The following TUSC3 variants were observed in gnomAD, a reference collection of about 807,000 sequenced individuals.
TUSC3 encodes tumor suppressor candidate 3.
In TUSC3, 45 loss-of-function variants were observed where a neutral mutation model predicts 44.8. The ratio of observed to expected loss-of-function variants is 1.00; its 90% CI spans 0.79 to 1.29. The LOEUF is 1.29. Ranked by LOEUF, TUSC3 falls within the 50% of genes most tolerant of loss-of-function variation. The probability of loss-of-function intolerance (pLI) is 0.00; values close to 1 mark genes in which losing one functional copy is unlikely to be tolerated. For missense variants in TUSC3, 519 were observed against 437.9 expected, an observed-to-expected ratio of 1.19 and a Z score of -1.65; for synonymous variants, 212 against 152.9, an observed-to-expected ratio of 1.39 and a Z score of -2.85.
At chr8:15,553,326 C>A (rs962816562) in intron 1 of TUSC3, among the ~76,000 whole-genome samples, 1 of 151,610 alleles carries the variant, frequency 6.6e-6, no homozygotes, top group African/African-American at 2.4e-5. Context: ...TGTTGCAAAC[C>A]CCTCAAAGAT....
At position 15,682,527 on chromosome 8, in the gene TUSC3, A is replaced by G. The variant is rs1291687291; in HGVS notation, c.798+8691A>G. ...TCATTTGAGTGTTAGATCGTTTTCC[A>G]TTACTTTGAGCCTGTGAGTATTGTT... On this transcript the variant is annotated intron_variant, in intron 6 of 10. Coordinates refer to ENST00000503731, the MANE Select transcript of TUSC3 (RefSeq NM_006765.4). Among the ~76,000 whole-genome samples the G allele has an allele frequency of 2.0e-5, 3 of 152,034 alleles. 1 individual carries two copies. The highest frequency in any genetic ancestry group is 7.2e-5 in the African/African-American group (3 of 41,386).
At chr8:15,791,466 T>C in the TUSC3 span, among the ~76,000 whole-genome samples, 12 of 152,156 alleles carry the variant, frequency 7.9e-5, no homozygotes, top group South Asian at 2.1e-4. Flanking sequence ...GTGGTTTACA[T>C]TGCATTGTAA....
At chr8:15,756,539 T>TTTCTAGATTATAAGGTA (rs1195977350) in intron 9 of TUSC3, among the ~76,000 whole-genome samples, 1 of 152,224 alleles carries the variant, frequency 6.6e-6, no homozygotes, top group Non-Finnish European at 1.5e-5. Flanking sequence ...TTGTCTTTTT[T>TTTCTAGATTATAAGGTA]TTCTAGATTA....
At chr8:15,638,304 G>C (rs769985325) in intron 2 of TUSC3, among the ~76,000 whole-genome samples, 1 of 151,978 alleles carries the variant, frequency 6.6e-6, no homozygotes, top group Non-Finnish European at 1.5e-5. Context: ...ATATTCTGTA[G>C]GATTCTTTTT....
At chr8:15,824,619 G>T in the TUSC3 span, among the ~76,000 whole-genome samples, 1 of 149,416 alleles carries the variant, frequency 6.7e-6, no homozygotes, top group Non-Finnish European at 1.5e-5. Flanking sequence ...GGGGTGGGGG[G>T]AAGGGGGACG....
the TUSC3 span, among the ~76,000 whole-genome samples, chr8:15,820,597 C>T: frequency 6.6e-6 from 1 of 152,112 alleles, no homozygotes; most frequent in Non-Finnish European, 1.5e-5. Flanking sequence ...GGATTACAGG[C>T]GTGAGCCACG....
the TUSC3 span, among the ~76,000 whole-genome samples, chr8:15,846,562 A>G: frequency 1.3e-5 from 2 of 152,204 alleles, no homozygotes; most frequent in East Asian, 3.9e-4. Flanking sequence ...TTGCAGGGAC[A>G]TGGATGAAGC....
At chr8:15,777,628 G>T in the TUSC3 span, among the ~76,000 whole-genome samples, 4 of 151,874 alleles carry the variant, frequency 2.6e-5, no homozygotes, top group Non-Finnish European at 4.4e-5. Flanking sequence ...ATTTTTGCAC[G>T]TAATTTTATT....
intron 1 of TUSC3, among the ~76,000 whole-genome samples, chr8:15,435,711 C>T (rs1315167705): frequency 6.6e-6 from 1 of 152,118 alleles, no homozygotes; most frequent in Non-Finnish European, 1.5e-5. Context: ...TACATTTGAG[C>T]ATATAAAGTG....
intron 1 of TUSC3, among the ~76,000 whole-genome samples, chr8:15,433,887 TTTTATA>T (rs1187947279): frequency 2.6e-4 from 40 of 152,174 alleles, no homozygotes; most frequent in African/African-American, 9.2e-4. Flanking sequence ...GCTATAAATA[TTTTATA>T]TACACATAAA....
the TUSC3 span, among the ~76,000 whole-genome samples, chr8:15,786,226 C>A: frequency 6.6e-6 from 1 of 152,110 alleles, no homozygotes; most frequent in African/African-American, 2.4e-5. Flanking sequence ...ACAAGCTTGT[C>A]CCTGATAAAA....
intron 10 of TUSC3, among the ~76,000 whole-genome samples, chr8:15,761,561 C>A (rs1010191511): frequency 6.6e-6 from 1 of 152,172 alleles, no homozygotes; most frequent in South Asian, 2.1e-4. Flanking sequence ...ATATTCTCTT[C>A]AGAATACGCG....
At chr8:15,550,500 C>G (rs548011718) in intron 1 of TUSC3, among the ~76,000 whole-genome samples, 2 of 151,654 alleles carry the variant, frequency 1.3e-5, no homozygotes, top group South Asian at 4.2e-4. Flanking sequence ...TTCCTCATAC[C>G]AGAGTTTGTG....
At chr8:15,469,432 A>G (rs995125575) in intron 1 of TUSC3, among the ~76,000 whole-genome samples, 3 of 152,218 alleles carry the variant, frequency 2.0e-5, no homozygotes, top group African/African-American at 7.2e-5. Context: ...ATCATGAAAA[A>G]TGCAAATTAA....
chr8:15,500,100 C>T (rs1395532426), intron 2 of TUSC3, among the ~76,000 whole-genome samples: 1 of 152,064 alleles, frequency 6.6e-6, no homozygotes, highest in African/African-American at 2.4e-5. Flanking sequence ...CCTCTATTAC[C>T]TTGACTGTCT....
chr8:15,510,883 G>C (rs895272687), intron 2 of TUSC3, among the ~76,000 whole-genome samples: 2 of 152,180 alleles, frequency 1.3e-5, no homozygotes, highest in South Asian at 2.1e-4. Context: ...AAAATTGGCA[G>C]AGGGCTCATG....
At chr8:15,497,920 T>C (rs1015198754) in intron 2 of TUSC3, among the ~76,000 whole-genome samples, 2 of 152,014 alleles carry the variant, frequency 1.3e-5, no homozygotes, top group African/African-American at 2.4e-5. Context: ...AGCTAATTTT[T>C]ATATTTTTAC....
the TUSC3 span, among the ~76,000 whole-genome samples, chr8:15,851,296 A>G: frequency 6.6e-6 from 1 of 152,226 alleles, no homozygotes; most frequent in South Asian, 2.1e-4. Context: ...ACATCAATGA[A>G]AAAAGCAGAC....
At chr8:15,775,611 T>C in the TUSC3 span, among the ~76,000 whole-genome samples, 1 of 141,696 alleles carries the variant, frequency 7.1e-6, no homozygotes, top group Admixed American at 7.5e-5. Context: ...TTTACATGTA[T>C]GTACATATAT....
Sources: allele counts gnomAD v4.1 joint callset (sites outside exome capture counted in the v4.1 genomes callset), GRCh38; gene constraint gnomAD v4.1.1; transcripts MANE v1.5; gene names NCBI Gene and HGNC (gene_info 2026-07-23, HGNC 2026-07-21).